TFCP2L1: variants seen among roughly 807,000 people sequenced by gnomAD.
The protein encoded by TFCP2L1 is transcription factor CP2 like 1.
TFCP2L1 carries 12 observed loss-of-function variants against 72.2 expected under a neutral mutation model. The observed-to-expected ratio is 0.17, with a 90% confidence interval of 0.11 to 0.27. The LOEUF (loss-of-function observed/expected upper bound fraction) is 0.27, where lower values mean the gene tolerates loss of function less well. TFCP2L1 is among the 10% of genes least tolerant of loss of function. TFCP2L1 has a pLI of 1.00. For missense variants in TFCP2L1, 488 were observed against 624.6 expected, an observed-to-expected ratio of 0.78 and a Z score of 2.33; for synonymous variants, 260 against 251.0, an observed-to-expected ratio of 1.04 and a Z score of -0.34.
chr2:121,249,206 T>C (rs979120532), intron 3 of TFCP2L1, 119 bp from the exon 4 acceptor site: 21 of 734,322 alleles, frequency 2.9e-5, no homozygotes, highest in Non-Finnish European at 3.9e-5. Flanking sequence ...TGGGGCTTCC[T>C]TTCCCAGTTC....
intron 2 of TFCP2L1, among the ~76,000 whole-genome samples, chr2:121,254,160 G>A (rs571065846): frequency 6.6e-6 from 1 of 152,292 alleles, no homozygotes; most frequent in South Asian, 2.1e-4. Flanking sequence ...CACACAGTAG[G>A]TACTCAGCAA....
At chr2:121,283,390 G>A (rs1213874573) in intron 1 of TFCP2L1, among the ~76,000 whole-genome samples, 2 of 152,088 alleles carry the variant, frequency 1.3e-5, no homozygotes, top group African/African-American at 4.8e-5. Flanking sequence ...TGCACAAACC[G>A]CCACCTTGGC....
intron 2 of TFCP2L1, among the ~76,000 whole-genome samples, chr2:121,272,600 T>G (rs1350210700): frequency 6.6e-6 from 1 of 152,168 alleles, no homozygotes; most frequent in African/African-American, 2.4e-5. Context: ...AATCTTTGAA[T>G]TGGGAAAAGA....
rs563647648 is a variant in TFCP2L1 at position 121,276,114 on chromosome 2, C to T, written c.214+5006G>A. 3.8e-4 allele frequency among the ~76,000 whole-genome samples: 58 copies of T among 152,222 alleles called. No homozygotes were observed. The South Asian group carries it at 0.012, about 31-fold the overall frequency. On this transcript the variant is annotated intron_variant, in intron 2 of 14. Transcript: ENST00000263707. ...TAAGTTCTGAGATACATGTGCAGAA[C>T]GTGCAGGTTTGTGACATAGGTATAC...
At chr2:121,246,666 G>T (rs1394150303) in intron 6 of TFCP2L1, 152 bp downstream of exon 6, 2 of 977,348 alleles carry the variant, frequency 2.0e-6, no homozygotes, top group Admixed American at 2.4e-5. Flanking sequence ...TGAAGCTCGT[G>T]TGCATTAGAA....
chr2:121,229,400 T>C (rs1244239990), intron 13 of TFCP2L1, among the ~76,000 whole-genome samples: 1 of 151,872 alleles, frequency 6.6e-6, no homozygotes, highest in Non-Finnish European at 1.5e-5. Context: ...TTATACTAAT[T>C]ACAAATTACT....
At chr2:121,262,166 T>C (rs1558741150) in intron 2 of TFCP2L1, among the ~76,000 whole-genome samples, 1 of 152,060 alleles carries the variant, frequency 6.6e-6, no homozygotes, top group Non-Finnish European at 1.5e-5. Flanking sequence ...TTAAAAATGA[T>C]AATAACAAAA....
chr2:121,242,319 A>C, intron 7 of TFCP2L1, 40 bp downstream of exon 7: 1 of 1,568,608 alleles, frequency 6.4e-7, no homozygotes, highest in South Asian at 1.1e-5. Flanking sequence ...TCCTGGTGGA[A>C]GACCCTTGGA....
intron 2 of TFCP2L1, among the ~76,000 whole-genome samples, chr2:121,264,644 T>C (rs890378941): frequency 1.3e-5 from 2 of 152,182 alleles, no homozygotes; most frequent in South Asian, 2.1e-4. Flanking sequence ...TGGGCAGAGC[T>C]TGCAGAAGGC....
At chr2:121,278,029 CTT>C (rs530823906) in intron 2 of TFCP2L1, among the ~76,000 whole-genome samples, 93 of 122,676 alleles carry the variant, frequency 7.6e-4, no homozygotes, top group Middle Eastern at 4.2e-3. Flanking sequence ...CTTTTTCTCT[CTT>C]TTTTTTTTTT....
At chr2:121,254,197 T>A (rs1203637272) in intron 2 of TFCP2L1, among the ~76,000 whole-genome samples, 1 of 152,226 alleles carries the variant, frequency 6.6e-6, no homozygotes, top group Non-Finnish European at 1.5e-5. Context: ...TCACCTTCTT[T>A]ACAGTGCTAT....
rs1686320517 is a variant in TFCP2L1 at position 121,239,549 on chromosome 2, G to C, written c.860+9C>G. 2 of 1,613,990 alleles carry C rather than the reference G, an allele frequency of 1.2e-6. No individual in the cohort carries two copies. Among genetic ancestry groups the C allele is most frequent in the Middle Eastern group, 3.3e-4 (2 of 6,062 alleles). On this transcript the variant is annotated intron_variant, in intron 8 of 14. Transcript: ENST00000263707. ...TCAGGGAACCCGAAGAAAGAGAGGT[G>C]GGACGTACCCTTCGCCGAGGCCAAA...
At chr2:121,269,265 A>G (rs1002124848) in intron 2 of TFCP2L1, among the ~76,000 whole-genome samples, 2 of 152,026 alleles carry the variant, frequency 1.3e-5, no homozygotes, top group African/African-American at 2.4e-5. Context: ...CCTGGGCAAC[A>G]TGGCAGAATC....
intron 7 of TFCP2L1, among the ~76,000 whole-genome samples, chr2:121,241,573 G>A (rs1156959039): frequency 6.6e-6 from 1 of 151,970 alleles, no homozygotes; most frequent in Admixed American, 6.6e-5. Flanking sequence ...GAGGGTTGGA[G>A]CAGGCTGGCA....
intron 6 of TFCP2L1, among the ~76,000 whole-genome samples, chr2:121,245,958 C>G (rs1022683623): frequency 6.6e-6 from 1 of 152,224 alleles, no homozygotes; most frequent in African/African-American, 2.4e-5. Context: ...TCTCAGCAGG[C>G]TCCAAATTCA....
At chr2:121,284,943 A>C in intron 1 of TFCP2L1, 105 bp downstream of exon 1, 1 of 997,868 alleles carries the variant, frequency 1.0e-6, no homozygotes, top group Non-Finnish European at 1.3e-6. Flanking sequence ...GACAGCGGGG[A>C]GGCCAGGGCC....
chr2:121,236,807 G>A (rs1358992946), intron 10 of TFCP2L1, among the ~76,000 whole-genome samples: 3 of 151,998 alleles, frequency 2.0e-5, no homozygotes, highest in African/African-American at 4.8e-5. Context: ...AGACACAGCC[G>A]GCACTCCTCC....
rs115839647 is a variant in TFCP2L1 at position 121,237,935 on chromosome 2, A to G, written c.861-85T>C. 7.6e-3 allele frequency: 10,636 copies of G among 1,407,018 alleles called. 43 individuals are homozygous for G. The highest frequency in any genetic ancestry group is 9.6e-3 in the Non-Finnish European group (9,705 of 1,011,282). 87.2% of individuals were successfully genotyped at this position (1,407,018 alleles called of 1,614,324 possible). On this transcript the variant is annotated intron_variant, in intron 8 of 14. Coordinates refer to ENST00000263707, the MANE Select transcript of TFCP2L1 (RefSeq NM_014553.3). Reference sequence around the variant, plus strand: ...TCCCGGCACCCAGCCTGGCACTTTTACTTCCTATCAGATGCAGGATTTGTT... The same window carrying G: ...TCCCGGCACCCAGCCTGGCACTTTTGCTTCCTATCAGATGCAGGATTTGTT...
rs539573133 is a variant in TFCP2L1 at position 121,247,225 on chromosome 2, C to T, written c.505-255G>A. On this transcript the variant is annotated intron_variant, in intron 5 of 14. Transcript: ENST00000263707. ...GGCCCTGCCTGACCAGCTAAGTCCC[C>T]ACCACTCCCCAGGCCACTGACCCCA... Among the ~76,000 whole-genome samples, 7 of 152,262 alleles carry T rather than the reference C, an allele frequency of 4.6e-5. No individual in the cohort carries two copies. The East Asian group carries it at 1.4e-3, about 29-fold the overall frequency.
Sources: gnomAD v4.1 joint callset for allele counts (sites outside exome capture counted in the v4.1 genomes callset) on GRCh38, gnomAD v4.1.1 for gene constraint, MANE v1.5 for transcripts, NCBI Gene and HGNC (gene_info 2026-07-23, HGNC 2026-07-21) for gene names.